The following TMPRSS9 variants were observed in gnomAD, a reference collection of about 807,000 sequenced individuals.
TMPRSS9 encodes the protein transmembrane protease serine 9.
TMPRSS9 carries 113 observed loss-of-function variants against 111.4 expected under a neutral mutation model. That is an observed-to-expected ratio of 1.01 (90% CI 0.87 to 1.19). TMPRSS9 has a LOEUF of 1.19. TMPRSS9 is among the 50% of genes most tolerant of loss of function. TMPRSS9 has a pLI of 0.00. For synonymous variants in TMPRSS9, 805 were observed against 659.1 expected, an observed-to-expected ratio of 1.22 and a Z score of -3.39; for missense variants, 1,803 against 1,513.1, an observed-to-expected ratio of 1.19 and a Z score of -3.18.
At chr19:2,405,684 T>C (rs1970953739) in intron 7 of TMPRSS9, 139 bp downstream of exon 8, 2 of 930,938 alleles carry the variant, frequency 2.1e-6, no homozygotes, top group African/African-American at 1.8e-5. Flanking sequence ...TTGCTTTTGC[T>C]GTTGTTGAAT....
chr19:2,398,668 TAAAAG>T (rs2145312711), intron 2 of TMPRSS9, 122 bp from the exon 4 acceptor site: 1 of 447,618 alleles, frequency 2.2e-6, no homozygotes, highest in South Asian at 2.0e-5. Context: ...TTTAAAATAA[TAAAAG>T]GAAATGCTTT....
At chr19:2,365,518 GC>G (rs1252490288) in intron 1 of TMPRSS9, among the ~76,000 whole-genome samples, 1 of 152,074 alleles carries the variant, frequency 6.6e-6, no homozygotes, top group Non-Finnish European at 1.5e-5. Context: ...CTATAAACGG[GC>G]TTTGGCTGCC....
intron 13 of TMPRSS9, among the ~76,000 whole-genome samples, chr19:2,418,398 GCCTTTCCTTCCATT>G (rs1971333763): frequency 1.5e-4 from 1 of 6,462 alleles, no homozygotes; most frequent in Non-Finnish European, 2.6e-4. Context: ...TCCCTCCCTG[GCCTTTCCTTCCATT>G]CCTTCCCTCC....
intron 14 of TMPRSS9, 25 bp from the exon 16 acceptor site, chr19:2,424,064 G>T: frequency 7.9e-7 from 1 of 1,258,886 alleles, no homozygotes. Context: ...GGGTCCGCCT[G>T]CCCACGCGCC....
chr19:2,393,731 T>C (rs1410518371), intron 1 of TMPRSS9, among the ~76,000 whole-genome samples: 1 of 150,222 alleles, frequency 6.7e-6, no homozygotes, highest in Middle Eastern at 3.2e-3. Flanking sequence ...AAACCCTGTC[T>C]TTACTAAAAT....
At chr19:2,395,245 C>T (rs975004128) in intron 1 of TMPRSS9, among the ~76,000 whole-genome samples, 2 of 152,126 alleles carry the variant, frequency 1.3e-5, no homozygotes, top group African/African-American at 2.4e-5. Flanking sequence ...TGGTGAAATC[C>T]AGTCTGTACT....
At chr19:2,389,462 C>T (rs1970540692), upstream of TMPRSS9, among the ~76,000 whole-genome samples, 1 of 151,046 alleles carries the variant, frequency 6.6e-6, no homozygotes. Context: ...CTCCGCCTCC[C>T]GGGTTCAAGC....
At chr19:2,386,332 C>T (rs1159921730), upstream of TMPRSS9, among the ~76,000 whole-genome samples, 3 of 151,730 alleles carry the variant, frequency 2.0e-5, no homozygotes, top group Non-Finnish European at 2.9e-5. Context: ...GGTGAAACCC[C>T]GTCTCTACTA....
chr19:2,376,929 G>A (rs1242822490), intron 1 of TMPRSS9, among the ~76,000 whole-genome samples: 3 of 152,032 alleles, frequency 2.0e-5, no homozygotes, highest in African/African-American at 7.2e-5. Context: ...GGCCTCCAAG[G>A]AAGGCCAGGC....
In TMPRSS9 at chr19:2,398,879, A is replaced by G. The variant is rs1970766705; in HGVS notation, c.338+17A>G. The G allele has an allele frequency of 2.0e-6, 3 of 1,528,768 alleles. No individual in the cohort carries two copies. The highest frequency in any genetic ancestry group is 2.6e-6 in the Non-Finnish European group (3 of 1,142,892). The allele number at this position is 1,528,768 out of a possible 1,614,324, so 94.7% of individuals were successfully genotyped here. On this transcript the variant is annotated intron_variant, in intron 3 of 17. Coordinates refer to ENST00000648592, the Ensembl canonical transcript of TMPRSS9. The stretch of plus-strand genomic sequence containing the variant: ...GAATTATAGGTGAGTTGGAGCTTCC[A>G]TTGGGTGAAGGAAACTTGGTGGACA...
At chr19:2,393,950 C>T (rs1192216815) in intron 1 of TMPRSS9, among the ~76,000 whole-genome samples, 1 of 150,302 alleles carries the variant, frequency 6.7e-6, no homozygotes, top group African/African-American at 2.5e-5. Context: ...CACCTGTAAT[C>T]CCAGCACTCT....
chr19:2,425,424 C>T lies in TMPRSS9; in HGVS notation c.3051C>T (p.Phe1017=), dbSNP rs776959967. 3.1e-6 allele frequency: 5 copies of T among 1,587,670 alleles called. No individual in the cohort carries two copies. The East Asian group carries it at 6.9e-5, about 22-fold the overall frequency. ...TCAGCGAGCAGACCTGCCGCCGCTT[C>T]TACCCAGTGCAGATCAGCAGCCGCA... Residue 1017 remains phenylalanine (F), a synonymous_variant, in exon 17 of 18, where the codon TTC becomes TTT. Coordinates refer to ENST00000648592, the Ensembl canonical transcript of TMPRSS9.
intron 13 of TMPRSS9, among the ~76,000 whole-genome samples, chr19:2,420,756 G>A (rs1186778173): frequency 6.6e-6 from 1 of 152,124 alleles, no homozygotes; most frequent in Non-Finnish European, 1.5e-5. Flanking sequence ...TGTGAGATCG[G>A]TGTCTTGCAT....
At chr19:2,393,452 A>G (rs1200070626) in intron 1 of TMPRSS9, among the ~76,000 whole-genome samples, 1 of 152,186 alleles carries the variant, frequency 6.6e-6, no homozygotes, top group East Asian at 1.9e-4. Context: ...ACATCCGAAC[A>G]TCAGCAAGAA....
Position 2,377,285 on chromosome 19 carries a change from GTATGTATA to G in TMPRSS9, c.-25-12468_-25-12461del, listed in dbSNP as rs1270377219. Reference sequence around the variant, plus strand: ...TGTATGTATGTATGTATGTATGTATGTATGTATATATGTATGTATGTATGTATGTATTT... The same window carrying G: ...TGTATGTATGTATGTATGTATGTATGTATGTATGTATGTATGTATGTATTT... On this transcript the variant is annotated intron_variant, in intron 1 of 17. Coordinates refer to the TMPRSS9 transcript ENST00000649857. 2.9e-3 allele frequency among the ~76,000 whole-genome samples: 192 copies of G among 66,430 alleles called. 1 individual carries two copies. The highest frequency in any genetic ancestry group is 0.012 in the African/African-American group (154 of 12,588). The allele number at this position is 66,430 out of a possible 152,430, so 43.6% of individuals were successfully genotyped here. A position where few individuals can be genotyped will look rare whatever the true frequency, so the allele number is the denominator to read the frequency against.
intron 7 of TMPRSS9, among the ~76,000 whole-genome samples, chr19:2,408,020 G>A (rs898481258): frequency 6.6e-6 from 1 of 151,942 alleles, no homozygotes; most frequent in African/African-American, 2.4e-5. Context: ...CTGCCTTCGT[G>A]ATCCTCCCGC....
At chr19:2,425,394 C>T in exon 17 of TMPRSS9, 4 of 1,559,636 alleles carry the variant, frequency 2.6e-6, no homozygotes, top group Middle Eastern at 1.8e-4. Context: ...CGGCCGTGCG[C>T]CTCCTCAGCG....
At chr19:2,424,918 C>G (rs953385295) in intron 15 of TMPRSS9, 84 bp from the exon 17 acceptor site, 4 of 1,356,756 alleles carry the variant, frequency 2.9e-6, no homozygotes, top group Non-Finnish European at 3.8e-6. Flanking sequence ...CCCAGGGTGC[C>G]AGCCGGCCGC....
chr19:2,362,896 G>A (rs1284624486), intron 1 of TMPRSS9, among the ~76,000 whole-genome samples: 5 of 151,718 alleles, frequency 3.3e-5, no homozygotes, highest in Non-Finnish European at 5.9e-5. Flanking sequence ...GTGTTTGGTT[G>A]TGTGAGGTTG....
Sources: allele counts gnomAD v4.1 joint callset (sites outside exome capture counted in the v4.1 genomes callset), GRCh38; gene constraint gnomAD v4.1.1; transcripts MANE v1.5; gene names NCBI Gene and HGNC (gene_info 2026-07-23, HGNC 2026-07-21).